APOBEC1: variants seen among roughly 807,000 people sequenced by gnomAD.
The protein encoded by APOBEC1 is apolipoprotein B mRNA editing enzyme catalytic subunit 1.
A neutral mutation model predicts 26.3 loss-of-function variants in APOBEC1; 22 were observed. That is an observed-to-expected ratio of 0.84 (90% CI 0.60 to 1.19). The LOEUF (loss-of-function observed/expected upper bound fraction) is 1.19, where lower values mean the gene tolerates loss of function less well. APOBEC1 is among the 50% of genes most tolerant of loss of function. The pLI, the probability that APOBEC1 is intolerant of heterozygous loss-of-function variation, is 0.00. For missense variants in APOBEC1, 253 were observed against 289.0 expected (o/e 0.88, Z 0.90); for synonymous variants, 77 against 95.3 (o/e 0.81, Z 1.12).
chr12:7,649,727 TAGGATGAATA>T, intron 4 of APOBEC1, 31 bp from the exon 5 acceptor site: 11 of 1,454,850 alleles, frequency 7.6e-6, no homozygotes, highest in Non-Finnish European at 9.5e-6. Context: ...ATTTAATCCT[TAGGATGAATA>T]TTTTAATTAA....
intron 1 of APOBEC1, among the ~76,000 whole-genome samples, chr12:7,657,578 A>T (rs201786831): frequency 3.3e-4 from 8 of 24,078 alleles, no homozygotes; most frequent in South Asian, 1.9e-3. Flanking sequence ...AAACAAAATT[A>T]AAAAACAAAC....
At chr12:7,660,669 C>G (rs1863804241) in intron 1 of APOBEC1, among the ~76,000 whole-genome samples, 1 of 143,302 alleles carries the variant, frequency 7.0e-6, no homozygotes. Context: ...TGCCACTGCA[C>G]TCCACCCTTG....
At chr12:7,657,336 G>A (rs1392286272) in intron 1 of APOBEC1, among the ~76,000 whole-genome samples, 1 of 152,136 alleles carries the variant, frequency 6.6e-6, no homozygotes, top group Non-Finnish European at 1.5e-5. Flanking sequence ...GAACACTTTT[G>A]AAGTGACTCT....
upstream of APOBEC1, among the ~76,000 whole-genome samples, chr12:7,666,332 C>T (rs1490459469): frequency 1.3e-5 from 2 of 150,884 alleles, no homozygotes; most frequent in East Asian, 1.9e-4. Context: ...TTGCTCTTGT[C>T]GCCCAGGCTG....
chr12:7,664,095 T>C (rs925389607), intron 1 of APOBEC1, among the ~76,000 whole-genome samples: 10 of 152,252 alleles, frequency 6.6e-5, no homozygotes, highest in Admixed American at 4.6e-4. Flanking sequence ...CCTCAGGTGA[T>C]CCGCCTGCCT....
At chr12:7,670,465 C>T (rs1255161974), upstream of APOBEC1, among the ~76,000 whole-genome samples, 1 of 140,534 alleles carries the variant, frequency 7.1e-6, no homozygotes, top group Non-Finnish European at 1.5e-5. Context: ...ATTTAATACA[C>T]CTAACCTGGC....
chr12:7,659,294 C>CAAA (rs1163730869), intron 1 of APOBEC1, among the ~76,000 whole-genome samples: 25 of 16,542 alleles, frequency 1.5e-3, no homozygotes, highest in East Asian at 3.8e-3. Context: ...AACTCCCTCT[C>CAAA]AAAAAAAAAA....
intron 4 of APOBEC1, among the ~76,000 whole-genome samples, chr12:7,649,998 GT>G (rs1450971001): frequency 6.6e-6 from 1 of 151,854 alleles, no homozygotes; most frequent in Admixed American, 6.6e-5. Flanking sequence ...TTGTGTTTTT[GT>G]TGAGATGTGG....
rs1206957347 is a variant in APOBEC1 at position 7,652,725 on chromosome 12, C to T, written c.155G>A (p.Arg52Gln). ...ATTGGTGGTGTTTTTGCCTGAGCTTCGCCAGATCTTCCGGCTCATGCCCCA... is the reference window on the plus strand; with the variant it reads ...ATTGGTGGTGTTTTTGCCTGAGCTTTGCCAGATCTTCCGGCTCATGCCCCA... ...IKWGMSRKIWRSSGKNTTNHV... is the reference protein window; with the variant it reads ...IKWGMSRKIWQSSGKNTTNHV... Residue 52 changes from arginine to glutamine, a missense_variant, in exon 3 of 5, where the codon CGA (arginine) becomes CAA (glutamine). Coordinates refer to ENST00000229304, the MANE Select transcript of APOBEC1 (RefSeq NM_001644.5). 16 of 1,613,930 alleles carry T rather than the reference C, an allele frequency of 9.9e-6. 1 individual carries two copies. The highest frequency in any genetic ancestry group is 1.3e-5 in the African/African-American group (1 of 74,880).
rs1290120140 is a variant in APOBEC1, at chr12:7,660,376, G to GAAGGAAAGAAAGAAAAAGAA, written c.16+5480_16+5481insTTCTTTTTCTTTCTTTCCTT. Among the ~76,000 whole-genome samples the GAAGGAAAGAAAGAAAAAGAA allele has an allele frequency of 3.1e-3, 186 of 60,980 alleles. 2 individuals are homozygous for GAAGGAAAGAAAGAAAAAGAA. The highest frequency in any genetic ancestry group is 5.0e-3 in the Non-Finnish European group (122 of 24,522). 40.0% of individuals were successfully genotyped at this position (60,980 alleles called of 152,430 possible). ...GGAAGGAAGGAAGGAAGGAAGGAAG[G>GAAGGAAAGAAAGAAAAAGAA]AAAGAAAGAAAGAAAGAAAGAAAGA... On this transcript the variant is annotated intron_variant, in intron 1 of 4. Coordinates refer to ENST00000229304, the MANE Select transcript of APOBEC1 (RefSeq NM_001644.5).
chr12:7,662,015 C>T (rs1051422980), intron 1 of APOBEC1, among the ~76,000 whole-genome samples: 5 of 152,112 alleles, frequency 3.3e-5, no homozygotes, highest in Non-Finnish European at 7.3e-5. Flanking sequence ...GAGGCTGAGG[C>T]GGGAGGATTG....
At chr12:7,666,935 G>C (rs1863900761), upstream of APOBEC1, among the ~76,000 whole-genome samples, 1 of 148,508 alleles carries the variant, frequency 6.7e-6, no homozygotes, top group Admixed American at 6.8e-5. Context: ...TTTTGAGACA[G>C]AGTTTCGCTC....
intron 1 of APOBEC1, among the ~76,000 whole-genome samples, chr12:7,656,866 T>C (rs1863722093): frequency 6.6e-6 from 1 of 152,248 alleles, no homozygotes; most frequent in Non-Finnish European, 1.5e-5. Flanking sequence ...TTTATTTCAA[T>C]GGCATGAACA....
At position 7,665,814 on chromosome 12, in the gene APOBEC1, G is replaced by A. The variant is rs772417829; in HGVS notation, c.16+43C>T. ...ACACACACACACACACACCATTCTT[G>A]CATTGTTCAAGAATACTTGCCAAGC... On this transcript the variant is annotated intron_variant, in intron 1 of 4. Transcript: ENST00000229304. 4 of 1,368,232 alleles carry A rather than the reference G, an allele frequency of 2.9e-6. No homozygotes were observed. In the African/African-American group the frequency reaches 6.5e-5, roughly 22 times the overall value. 84.8% of individuals were successfully genotyped at this position (1,368,232 alleles called of 1,614,324 possible). A position where few individuals can be genotyped will look rare whatever the true frequency, so the allele number is the denominator to read the frequency against.
chr12:7,669,222 A>C (rs1328487309), upstream of APOBEC1, among the ~76,000 whole-genome samples: 19 of 148,196 alleles, frequency 1.3e-4, no homozygotes, highest in African/African-American at 4.2e-4. Context: ...ACAGGGTCTC[A>C]CTATACAACT....
chr12:7,668,728 T>G (rs765259915), upstream of APOBEC1, among the ~76,000 whole-genome samples: 2 of 151,596 alleles, frequency 1.3e-5, no homozygotes, highest in South Asian at 4.1e-4. Context: ...AAAGTTCTTT[T>G]GTTTTTTTGT....
Position 7,652,637 on chromosome 12 carries a change from G to A in APOBEC1, c.243C>T (p.Ser81=). The part of the protein sequence containing the change: ...TSERDFHPSM[S]CSITWFLSWS... ...AGGACAAGAACCAGGTGATGGAGCA[G>A]CTCATGGATGGGTGAAAATCTCTTT... is the stretch of plus-strand genomic sequence containing the variant. The change falls in exon 3 of 5, where the codon AGC becomes AGT. Residue 81 remains serine, a synonymous_variant. Transcript: ENST00000229304. 2.5e-6 allele frequency: 4 copies of A among 1,614,112 alleles called. No homozygotes were observed. Among genetic ancestry groups the A allele is most frequent in the Non-Finnish European group, 3.4e-6 (4 of 1,179,970 alleles).
chr12:7,651,864 A>G lies in APOBEC1; in HGVS notation c.442+574T>C, dbSNP rs1302503986. ...GAGACGGAGTCTCGCTCTGTCGCCC[A>G]GGCTGGAGTGCAGTGGCGCGATCTC... On this transcript the variant is annotated intron_variant, in intron 3 of 4. Transcript: ENST00000229304. 4.6e-5 allele frequency among the ~76,000 whole-genome samples: 7 copies of G among 151,538 alleles called. No individual in the cohort carries two copies. The East Asian group carries it at 1.4e-3, about 30-fold the overall frequency.
In APOBEC1 at chr12:7,661,262, C is replaced by CTGAGGGAGG. The variant is rs1288351993; in HGVS notation, c.16+4586_16+4594dup. ...TAGACACTGGAAAAGTCCAAAAGGA[C>CTGAGGGAGG]TGAGGGAGGGAGAGGGGAAAGAGCT... On this transcript the variant is annotated intron_variant, in intron 1 of 4. Transcript: ENST00000229304. Among the ~76,000 whole-genome samples, 42 of 148,268 alleles carry CTGAGGGAGG rather than the reference C, an allele frequency of 2.8e-4. 1 individual carries two copies. Among genetic ancestry groups the CTGAGGGAGG allele is most frequent in the Middle Eastern group, 7.2e-3 (2 of 278 alleles).
Sources: allele counts gnomAD v4.1 joint callset (sites outside exome capture counted in the v4.1 genomes callset), GRCh38; gene constraint gnomAD v4.1.1; transcripts MANE v1.5; gene names NCBI Gene and HGNC (gene_info 2026-07-23, HGNC 2026-07-21).